The following EDARADD variants were observed in gnomAD, a reference collection of about 807,000 sequenced individuals.
EDARADD encodes EDAR associated via death domain, also known as ectodysplasin-A receptor-associated adapter protein.
Under a neutral mutation model 25.6 loss-of-function variants are expected in EDARADD, and 20 were observed. The ratio of observed to expected loss-of-function variants is 0.78; its 90% confidence interval spans 0.55 to 1.14. The LOEUF is 1.14. Ranked by LOEUF, EDARADD falls within the 50% of genes most tolerant of loss-of-function variation. EDARADD has a pLI of 0.00. For missense variants in EDARADD, 225 were observed against 270.1 expected (o/e 0.83, Z 1.17); for synonymous variants, 86 against 94.4 (o/e 0.91, Z 0.52).
Position 236,409,252 on chromosome 1 carries a change from C to G in EDARADD, c.98C>G (p.Pro33Arg), listed in dbSNP as rs1407945022. 1 of 1,613,248 alleles carries G rather than the reference C, an allele frequency of 6.2e-7. No individual in the cohort carries two copies. The highest frequency in any genetic ancestry group is 1.7e-5 in the Admixed American group (1 of 59,978). The change falls in exon 2 of 6, where the codon CCT becomes CGT. Residue 33 changes from proline (P) to arginine (R), a missense_variant. Pro to Arg is a moderately radical substitution (Grantham distance 103, BLOSUM62 -2). Transcript: ENST00000334232. ...MVKEPVEDTD[P>R]STLSFNMSDK... ...AAGGAACCAGTGGAAGACACAGACCCTAGCACTTTATCCTTTAATATGGTA... is the reference window on the plus strand; with the variant it reads ...AAGGAACCAGTGGAAGACACAGACCGTAGCACTTTATCCTTTAATATGGTA...
At chr1:236,363,000 A>ATATATATATATAT (rs1158321993) in intron 3 of EDARADD, among the ~76,000 whole-genome samples, 35 of 57,252 alleles carry the variant, frequency 6.1e-4, no homozygotes, top group Non-Finnish European at 1.0e-3. Context: ...AAAAAAAAAA[A>ATATATATATATAT]AAAAAAATAT....
rs145942015 is a variant in EDARADD, at chr1:236,475,226, G to A, written c.265+6950G>A. 2.6e-3 allele frequency among the ~76,000 whole-genome samples: 390 copies of A among 152,214 alleles called. 5 individuals carry two copies. The highest frequency in any genetic ancestry group is 8.8e-3 in the African/African-American group (366 of 41,552). ...TTTTTGAGAAAGATTTCTTTGGTCT[G>A]AAGTCTTTCTCTCCCCTCTCCGAGG... On this transcript the variant is annotated intron_variant, in intron 5 of 5. Coordinates refer to ENST00000334232, the MANE Select transcript of EDARADD (RefSeq NM_145861.4).
chr1:236,399,124 G>T (rs116114916), intron 1 of EDARADD, among the ~76,000 whole-genome samples: 1 of 152,256 alleles, frequency 6.6e-6, no homozygotes. Flanking sequence ...GTATATCCAC[G>T]TGCATATAAC....
At chr1:236,391,176 A>C (rs1195967226), upstream of EDARADD, among the ~76,000 whole-genome samples, 1 of 152,066 alleles carries the variant, frequency 6.6e-6, no homozygotes, top group African/African-American at 2.4e-5. Flanking sequence ...TCCTCCACTC[A>C]GTGGCTCACT....
chr1:236,433,102 TA>T (rs1317298443), intron 4 of EDARADD, among the ~76,000 whole-genome samples: 15 of 152,138 alleles, frequency 9.9e-5, no homozygotes, highest in African/African-American at 3.6e-4. Flanking sequence ...TCTGTAAATC[TA>T]AAATGATTCT....
intron 4 of EDARADD, among the ~76,000 whole-genome samples, chr1:236,460,227 C>G (rs1280729378): frequency 6.6e-6 from 1 of 150,906 alleles, no homozygotes; most frequent in African/African-American, 2.4e-5. Flanking sequence ...CTCTGTCACC[C>G]AGGCTGGAGT....
At position 236,395,544 on chromosome 1, in the gene EDARADD, T is replaced by C. The variant is rs1667499779; in HGVS notation, c.61+1039T>C. The C allele has an allele frequency of 1.8e-5, 27 of 1,538,972 alleles. 1 individual carries two copies. In the South Asian group the frequency reaches 3.0e-4, roughly 17 times the overall value. ...CCAGGCGCGTCGGAACCGCAGGACT[T>C]TTCATCCCCGTGGTCCCACGGTCCT... On this transcript the variant is annotated intron_variant, in intron 1 of 5. Coordinates refer to ENST00000334232, the MANE Select transcript of EDARADD (RefSeq NM_145861.4). The surrounding 1 kb of genome is among the most constrained non-coding windows in gnomAD (Gnocchi z 6.9).
Position 236,396,975 on chromosome 1 carries a change from G to C in EDARADD, c.61+2470G>C, listed in dbSNP as rs558841164. Among the ~76,000 whole-genome samples, 4 of 112,558 alleles carry C rather than the reference G, an allele frequency of 3.6e-5. No homozygotes were observed. The East Asian group carries it at 9.8e-4, about 28-fold the overall frequency. The allele number at this position is 112,558 out of a possible 152,430, so 73.8% of individuals were successfully genotyped here. ...CTCATTAAATGATGATTGCAGGGGT[G>C]GGGGGTGGGGGAATTCAAAAAGATC... On this transcript the variant is annotated intron_variant, in intron 1 of 5. Coordinates refer to ENST00000334232, the MANE Select transcript of EDARADD (RefSeq NM_145861.4).
intron 3 of EDARADD, among the ~76,000 whole-genome samples, chr1:236,378,744 C>T (rs1667256266): frequency 6.6e-6 from 1 of 152,190 alleles, no homozygotes; most frequent in African/African-American, 2.4e-5. Context: ...TCTACAACTT[C>T]AACCACCTAC....
At chr1:236,411,873 C>A (rs185431380) in intron 2 of EDARADD, among the ~76,000 whole-genome samples, 1 of 152,222 alleles carries the variant, frequency 6.6e-6, no homozygotes. Flanking sequence ...TTTAAAGATA[C>A]CAATCATATT....
At chr1:236,354,457 C>G (rs1327058181) in intron 3 of EDARADD, among the ~76,000 whole-genome samples, 1 of 152,130 alleles carries the variant, frequency 6.6e-6, no homozygotes, top group African/African-American at 2.4e-5. Flanking sequence ...CTGGGAGAGC[C>G]AAGTTGGCAT....
intron 1 of EDARADD, among the ~76,000 whole-genome samples, chr1:236,405,731 TTCTTTCTTTC>T (rs1667698165): frequency 3.5e-5 from 1 of 28,852 alleles, no homozygotes; most frequent in African/African-American, 1.4e-4. Flanking sequence ...TTCTTTTTCT[TTCTTTCTTTC>T]TTTCTTTCTT....
At chr1:236,401,024 C>G (rs1667604967) in intron 1 of EDARADD, among the ~76,000 whole-genome samples, 1 of 151,812 alleles carries the variant, frequency 6.6e-6, no homozygotes, top group South Asian at 2.1e-4. Context: ...ATGGCGAAAC[C>G]CCATGTCTAA....
At chr1:236,360,546 T>G (rs1008194676) in intron 3 of EDARADD, among the ~76,000 whole-genome samples, 3 of 143,078 alleles carry the variant, frequency 2.1e-5, no homozygotes, top group Non-Finnish European at 4.6e-5. Context: ...GGTTTTTTTT[T>G]TTTTTTTTTT....
At chr1:236,465,285 G>A (rs531433974) in intron 4 of EDARADD, among the ~76,000 whole-genome samples, 2 of 152,300 alleles carry the variant, frequency 1.3e-5, no homozygotes, top group South Asian at 2.1e-4. Flanking sequence ...TGCTTCAGGC[G>A]AGAGCCCCTC....
At chr1:236,459,610 T>TC (rs200985808) in intron 4 of EDARADD, among the ~76,000 whole-genome samples, 14,218 of 123,098 alleles carry the variant, frequency 0.12, 1,125 homozygotes, top group Non-Finnish European at 0.17. Flanking sequence ...CTTATTTAGC[T>TC]CTTTTTTTTT....
chr1:236,394,731 G>A (rs1667483767), intron 1 of EDARADD, among the ~76,000 whole-genome samples: 1 of 152,068 alleles, frequency 6.6e-6, no homozygotes, highest in Non-Finnish European at 1.5e-5. Context: ...TCCTATAATA[G>A]GCTTATGATG....
intron 3 of EDARADD, among the ~76,000 whole-genome samples, chr1:236,423,801 C>T (rs1053502228): frequency 5.9e-5 from 9 of 152,132 alleles, no homozygotes; most frequent in African/African-American, 1.9e-4. Flanking sequence ...GATGAGACCA[C>T]AGCAGTAAAA....
intron 3 of EDARADD, among the ~76,000 whole-genome samples, chr1:236,384,366 GCATTTATCTTATTT>G (rs1387621505): frequency 9.2e-5 from 14 of 152,218 alleles, no homozygotes; most frequent in African/African-American, 3.4e-4. Flanking sequence ...ATTTTAATTT[GCATTTATCTTATTT>G]CTAGTGGGTT....
Sources: gnomAD v4.1 joint callset for allele counts (sites outside exome capture counted in the v4.1 genomes callset) on GRCh38, gnomAD v4.1.1 for gene constraint, Gnocchi (gnomAD v3.1) non-coding constraint, MANE v1.5 for transcripts, NCBI Gene and HGNC (gene_info 2026-07-23, HGNC 2026-07-21) for gene names.